The following ADH7 variants were observed in gnomAD, a reference collection of about 807,000 sequenced individuals.
ADH7 encodes all-trans-retinol dehydrogenase [NAD(+)] ADH7.
A neutral mutation model predicts 34.4 loss-of-function variants in ADH7; 41 were observed. That is an observed-to-expected ratio of 1.19 (90% CI 0.93 to 1.55). The LOEUF (loss-of-function observed/expected upper bound fraction) is 1.55, where lower values mean the gene tolerates loss of function less well. Ranked by LOEUF, ADH7 falls within the 40% of genes most tolerant of loss-of-function variation. The pLI, the probability that ADH7 is intolerant of heterozygous loss-of-function variation, is 0.00. For missense variants in ADH7, 540 were observed against 461.2 expected, an observed-to-expected ratio of 1.17 and a Z score of -1.56; for synonymous variants, 180 against 160.9, an observed-to-expected ratio of 1.12 and a Z score of -0.90.
At chr4:99,414,391 G>C (rs939315560) in intron 8 of ADH7, among the ~76,000 whole-genome samples, 2 of 152,068 alleles carry the variant, frequency 1.3e-5, no homozygotes, top group Non-Finnish European at 2.9e-5. Context: ...CACGTCCTTG[G>C]CACATAGTGG....
chr4:99,429,325 A>T (rs570003276), intron 2 of ADH7, among the ~76,000 whole-genome samples: 6 of 152,350 alleles, frequency 3.9e-5, no homozygotes, highest in African/African-American at 1.4e-4. Flanking sequence ...GCATGTTAGC[A>T]CTGTTGTTTT....
chr4:99,422,459 C>A lies in ADH7; in HGVS notation c.565-1666G>T, dbSNP rs571634970. Among the ~76,000 whole-genome samples the A allele has an allele frequency of 1.6e-3, 246 of 152,074 alleles. 2 individuals carry two copies. Among genetic ancestry groups the A allele is most frequent in the African/African-American group, 5.8e-3 (240 of 41,454 alleles). ...ATAAGTGGGAGTTGAACAATGAGAA[C>A]ACATGGACACAGAGAGGGGAACAAC... On this transcript the variant is annotated intron_variant, in intron 5 of 8. Transcript: ENST00000437033.
At chr4:99,413,193 T>C in intron 8 of ADH7, 21 bp from the exon 9 acceptor site, 1 of 1,612,474 alleles carries the variant, frequency 6.2e-7, no homozygotes, top group Non-Finnish European at 8.5e-7. Context: ...AAATGAGAGT[T>C]TTTAATGACT....
At chr4:99,418,882 A>G in intron 7 of ADH7, 104 bp downstream of exon 7, 3 of 1,366,322 alleles carry the variant, frequency 2.2e-6, no homozygotes, top group East Asian at 2.3e-5. Flanking sequence ...AGATCACTTC[A>G]TACTCATTCT....
At chr4:99,423,848 A>G (rs1023534952) in intron 5 of ADH7, among the ~76,000 whole-genome samples, 3 of 152,012 alleles carry the variant, frequency 2.0e-5, no homozygotes, top group Non-Finnish European at 4.4e-5. Context: ...CTCTGATGGT[A>G]GTTTCTTTTG....
At chr4:99,435,071 C>T (rs1438378242) in intron 1 of ADH7, 145 bp downstream of exon 1, 2 of 1,547,148 alleles carry the variant, frequency 1.3e-6, no homozygotes, top group Admixed American at 3.9e-5. Flanking sequence ...TCCAGTGTTT[C>T]CCTCACTGTA....
chr4:99,419,815 C>A (rs1365119980), intron 6 of ADH7, among the ~76,000 whole-genome samples: 1 of 152,118 alleles, frequency 6.6e-6, no homozygotes, highest in Non-Finnish European at 1.5e-5. Context: ...AATATGACAG[C>A]AATGATAAAT....
Position 99,420,575 on chromosome 4 carries a change from GT to G in ADH7, c.782del (p.Asn261ThrfsTer15). ...SEVLSEMTGN[N>X]VGYTFEVIGH... ...CAATAACTTCAAAGGTGTATCCCACGTTGTTGCCTGTCATTTCTGACAGCAC... is the reference window on the plus strand; with the variant it reads ...CAATAACTTCAAAGGTGTATCCCACGTGTTGCCTGTCATTTCTGACAGCAC... On this transcript the variant is annotated frameshift_variant, in exon 6 of 9. Coordinates refer to ENST00000437033, the MANE Select transcript of ADH7 (RefSeq NM_000673.7). LOFTEE classifies it high-confidence loss of function. The G allele has an allele frequency of 6.2e-7, 1 of 1,613,888 alleles. No homozygotes were observed. The highest frequency in any genetic ancestry group is 1.1e-5 in the South Asian group (1 of 91,078).
intron 6 of ADH7, 78 bp from the exon 7 acceptor site, chr4:99,419,199 C>A: frequency 6.9e-7 from 1 of 1,453,844 alleles, no homozygotes; most frequent in Non-Finnish European, 9.2e-7. Context: ...GACCTATGTA[C>A]TATGACAAAG....
In ADH7 at chr4:99,428,127, C is replaced by T. The variant is rs146573239; in HGVS notation, c.307G>A (p.Ala103Thr). The T allele has an allele frequency of 1.3e-4, 204 of 1,614,002 alleles. 1 individual carries two copies. The East Asian group carries it at 4.4e-3, about 35-fold the overall frequency. The part of the protein sequence containing the change: ...LFLPQCRECN[A>T]CRNPDGNLCI... ...AGGTTGCCATCTGGGTTGCGACAAG[C>T]ATTGCATTCTCTACATTGTGGCAGA... The change falls in exon 4 of 9, where the codon GCT (alanine) becomes ACT (threonine). Residue 103 changes from alanine to threonine, a missense_variant. Coordinates refer to ENST00000437033, the MANE Select transcript of ADH7 (RefSeq NM_000673.7).
At chr4:99,423,546 C>A (rs1407081010) in intron 5 of ADH7, among the ~76,000 whole-genome samples, 2 of 151,770 alleles carry the variant, frequency 1.3e-5, no homozygotes, top group African/African-American at 2.4e-5. Context: ...CTTGTTGTTT[C>A]CTGACTTTTT....
intron 6 of ADH7, among the ~76,000 whole-genome samples, chr4:99,419,789 G>C (rs987932034): frequency 6.6e-6 from 1 of 152,106 alleles, no homozygotes; most frequent in Non-Finnish European, 1.5e-5. Context: ...AAATCTAAGT[G>C]ATTCACTAGG....
At chr4:99,416,146 T>C (rs1052030633) in intron 7 of ADH7, among the ~76,000 whole-genome samples, 2 of 151,982 alleles carry the variant, frequency 1.3e-5, no homozygotes, top group Non-Finnish European at 2.9e-5. Flanking sequence ...AAATAAAAAT[T>C]AAATTAAATT....
In ADH7 at chr4:99,415,606, G is replaced by A. The variant is rs371078645; in HGVS notation, c.972C>T (p.Ser324=). 8.7e-6 allele frequency: 14 copies of A among 1,612,758 alleles called. No individual in the cohort carries two copies. The African/African-American group carries it at 1.3e-4, about 15-fold the overall frequency. ...TCACTAGTTTTGGGACATCATCTCTGCTTTTCAAACCTGCAAATAAGCACA... is the reference window on the plus strand; with the variant it reads ...TCACTAGTTTTGGGACATCATCTCTACTTTTCAAACCTGCAAATAAGCACA... ...WKGCVFGGLK[S]RDDVPKLVTE... is the part of the protein sequence containing the mutation. Residue 324 remains serine (S), a synonymous_variant, in exon 8 of 9, where the codon AGC becomes AGT. Coordinates refer to ENST00000437033, the MANE Select transcript of ADH7 (RefSeq NM_000673.7).
At chr4:99,429,442 C>A in intron 2 of ADH7, 90 bp downstream of exon 2, 1 of 857,962 alleles carries the variant, frequency 1.2e-6, no homozygotes, top group Non-Finnish European at 1.8e-6. Context: ...GAAGCATCTC[C>A]TTATTTAAGA....
intron 1 of ADH7, among the ~76,000 whole-genome samples, chr4:99,431,488 A>G (rs1721936446): frequency 6.6e-6 from 1 of 152,200 alleles, no homozygotes; most frequent in African/African-American, 2.4e-5. Context: ...ATTTAACTAA[A>G]GGGCTTCTGC....
chr4:99,433,757 C>T (rs1030184656), intron 1 of ADH7, among the ~76,000 whole-genome samples: 5 of 152,122 alleles, frequency 3.3e-5, no homozygotes, highest in South Asian at 2.1e-4. Context: ...AAGAAACCAA[C>T]CCTGATGACA....
At chr4:99,415,303 TA>T (rs1384603884) in intron 8 of ADH7, 174 bp downstream of exon 8, 3 of 680,702 alleles carry the variant, frequency 4.4e-6, no homozygotes, top group African/African-American at 1.8e-5. Context: ...TTTTTTTTTT[TA>T]TAGTAGTATG....
intron 7 of ADH7, 96 bp from the exon 8 acceptor site, chr4:99,415,712 T>A (rs1480799758): frequency 7.8e-7 from 1 of 1,289,002 alleles, no homozygotes. Context: ...GCACTATGAC[T>A]TTCCCTGTGT....
Sources: allele counts gnomAD v4.1 joint callset (sites outside exome capture counted in the v4.1 genomes callset), GRCh38; gene constraint gnomAD v4.1.1; transcripts MANE v1.5; gene names NCBI Gene and HGNC (gene_info 2026-07-23, HGNC 2026-07-21).